CHLSN: variants seen among roughly 807,000 people sequenced by gnomAD.
The protein encoded by CHLSN is cholesin, also known as protein cholesin.
At chr7:1,018,147 C>T in the CHLSN span, among the ~76,000 whole-genome samples, 1 of 152,176 alleles carries the variant, frequency 6.6e-6, no homozygotes, top group South Asian at 2.1e-4. Flanking sequence ...TGAGCCCTGG[C>T]TAAGCACCAG....
chr7:1,020,576 T>G, the CHLSN span, among the ~76,000 whole-genome samples: 2 of 152,188 alleles, frequency 1.3e-5, no homozygotes, highest in East Asian at 3.9e-4. Context: ...CCTCCCAGAC[T>G]GCAGGGACAG....
At chr7:1,050,423 C>T in the CHLSN span, among the ~76,000 whole-genome samples, 1 of 152,246 alleles carries the variant, frequency 6.6e-6, no homozygotes, top group African/African-American at 2.4e-5. Context: ...ACGGGCTGCC[C>T]AAGCCAACCA....
the CHLSN span, among the ~76,000 whole-genome samples, chr7:1,060,541 C>G: frequency 2.6e-5 from 4 of 152,160 alleles, no homozygotes; most frequent in Non-Finnish European, 4.4e-5. Flanking sequence ...GGGGACGTCA[C>G]GCTCTGGTCC....
chr7:986,662 G>C, the CHLSN span: 4 of 1,612,708 alleles, frequency 2.5e-6, no homozygotes, highest in South Asian at 1.1e-5. Flanking sequence ...CCCTGCTCCA[G>C]CTGCACCGGC....
the CHLSN span, among the ~76,000 whole-genome samples, chr7:1,101,374 G>A: frequency 3.9e-5 from 6 of 152,370 alleles, no homozygotes; most frequent in East Asian, 1.2e-3. Flanking sequence ...GTCAGCTGCT[G>A]GGAGTCCCCA....
the CHLSN span, among the ~76,000 whole-genome samples, chr7:1,060,830 C>A: frequency 6.6e-6 from 1 of 152,220 alleles, no homozygotes; most frequent in Non-Finnish European, 1.5e-5. Context: ...TCTGATGGTC[C>A]TGGGCTTCCC....
At chr7:1,022,176 AG>A in the CHLSN span, among the ~76,000 whole-genome samples, 2 of 152,168 alleles carry the variant, frequency 1.3e-5, no homozygotes, top group Non-Finnish European at 2.9e-5. Flanking sequence ...ACGGCAGCTC[AG>A]GAGGGAAGGA....
chr7:1,125,834 C>T, the CHLSN span, among the ~76,000 whole-genome samples: 3 of 152,198 alleles, frequency 2.0e-5, no homozygotes, highest in African/African-American at 7.2e-5. Flanking sequence ...CGATGTGACG[C>T]GCGCGTCGTC....
At chr7:983,511 G>C in the CHLSN span, 2 of 984,366 alleles carry the variant, frequency 2.0e-6, no homozygotes, top group Non-Finnish European at 2.7e-6. Context: ...AGCGGGGCAC[G>C]CAGGAGGCCG....
chr7:1,054,572 G>A, the CHLSN span, among the ~76,000 whole-genome samples: 1 of 152,196 alleles, frequency 6.6e-6, no homozygotes, highest in Non-Finnish European at 1.5e-5. Context: ...CCCAAGAATC[G>A]AGCCATTCTT....
chr7:981,365 G>T, the CHLSN span, among the ~76,000 whole-genome samples: 1 of 151,822 alleles, frequency 6.6e-6, no homozygotes, highest in Non-Finnish European at 1.5e-5. Context: ...AGTAATCCCA[G>T]CGCTTTTGGA....
chr7:1,012,243 C>T, the CHLSN span, among the ~76,000 whole-genome samples: 7 of 152,366 alleles, frequency 4.6e-5, no homozygotes, highest in East Asian at 1.2e-3. Flanking sequence ...AGCCCACATG[C>T]GTGGGGCACC....
chr7:1,004,347 CTGT>C, the CHLSN span, among the ~76,000 whole-genome samples: 1 of 152,128 alleles, frequency 6.6e-6, no homozygotes, highest in Non-Finnish European at 1.5e-5. Flanking sequence ...TTCCACCAGC[CTGT>C]TTCCTCCTTG....
chr7:1,061,482 AG>A, the CHLSN span, among the ~76,000 whole-genome samples: 1 of 151,630 alleles, frequency 6.6e-6, no homozygotes, highest in Non-Finnish European at 1.5e-5. Context: ...CTGAGCGCCA[AG>A]GCCTCCGTCC....
the CHLSN span, among the ~76,000 whole-genome samples, chr7:1,136,221 C>T: frequency 9.6e-6 from 1 of 104,252 alleles, no homozygotes; most frequent in African/African-American, 4.0e-5. Flanking sequence ...TATATATAAA[C>T]ATATATAAAT....
At chr7:1,043,728 G>T in the CHLSN span, 2 of 152,358 alleles carry the variant, frequency 1.3e-5, no homozygotes, top group African/African-American at 2.4e-5. Context: ...TCAGGAAGCC[G>T]TCCTGTCCAG....
chr7:1,018,344 T>C, the CHLSN span, among the ~76,000 whole-genome samples: 1 of 152,224 alleles, frequency 6.6e-6, no homozygotes, highest in Non-Finnish European at 1.5e-5. Flanking sequence ...GAAACCAGTG[T>C]GCATTGTACA....
At chr7:1,057,105 C>A in the CHLSN span, among the ~76,000 whole-genome samples, 8 of 152,104 alleles carry the variant, frequency 5.3e-5, no homozygotes, top group Admixed American at 2.6e-4. Context: ...TCCCTCCCGG[C>A]GCTGGCAAGA....
At chr7:1,091,859 A>G in the CHLSN span, 4 of 1,612,830 alleles carry the variant, frequency 2.5e-6, no homozygotes, top group Non-Finnish European at 8.5e-7. Context: ...GCCCTGGCCA[A>G]TGGGACAGGT....
Sources: allele counts gnomAD v4.1 joint callset (sites outside exome capture counted in the v4.1 genomes callset), GRCh38; gene constraint gnomAD v4.1.1; transcripts MANE v1.5; gene names NCBI Gene and HGNC (gene_info 2026-07-23, HGNC 2026-07-21).